MYO5B: variants seen among roughly 807,000 people sequenced by gnomAD.
MYO5B encodes the protein myosin VB, also known as unconventional myosin-Vb.
Under a neutral mutation model 229.3 loss-of-function variants are expected in MYO5B, and 143 were observed. The ratio of observed to expected loss-of-function variants is 0.62; its 90% CI spans 0.54 to 0.72. The LOEUF (loss-of-function observed/expected upper bound fraction) is 0.72, where lower values mean the gene tolerates loss of function less well. Ranked by LOEUF, MYO5B falls within the 30% of genes least tolerant of loss-of-function variation. MYO5B has a pLI of 0.00. For synonymous variants in MYO5B, 918 were observed against 885.2 expected (o/e 1.04, Z -0.66); for missense variants, 2,321 against 2,331.0 (o/e 1.00, Z 0.09).
At chr18:49,938,631 T>C (rs564860532) in intron 14 of MYO5B, among the ~76,000 whole-genome samples, 4 of 152,206 alleles carry the variant, frequency 2.6e-5, no homozygotes, top group African/African-American at 9.6e-5. Context: ...CCTGCCATTG[T>C]GTCTGAAATC....
At chr18:50,102,305 T>C (rs2031670894) in intron 1 of MYO5B, among the ~76,000 whole-genome samples, 1 of 151,888 alleles carries the variant, frequency 6.6e-6, no homozygotes, top group Non-Finnish European at 1.5e-5. Flanking sequence ...GCACACCACA[T>C]ACTTATGTAA....
At chr18:49,989,468 C>A (rs757068835) in intron 7 of MYO5B, among the ~76,000 whole-genome samples, 22 of 152,168 alleles carry the variant, frequency 1.4e-4, no homozygotes, top group Non-Finnish European at 3.1e-4. Flanking sequence ...ACACGGACAG[C>A]AGGACAGGGA....
intron 1 of MYO5B, among the ~76,000 whole-genome samples, chr18:50,096,416 G>T (rs2031552077): frequency 6.6e-6 from 1 of 152,010 alleles, no homozygotes; most frequent in Non-Finnish European, 1.5e-5. Flanking sequence ...GAAGGCCAAG[G>T]TTGTCTTGCC....
chr18:50,047,556 G>GA (rs1418785979), intron 2 of MYO5B, among the ~76,000 whole-genome samples: 5 of 152,178 alleles, frequency 3.3e-5, no homozygotes, highest in African/African-American at 9.7e-5. Flanking sequence ...TCTAGAACTA[G>GA]AAATACCACT....
intron 1 of MYO5B, among the ~76,000 whole-genome samples, chr18:50,182,224 G>C (rs1035761414): frequency 2.0e-5 from 3 of 152,186 alleles, no homozygotes; most frequent in Non-Finnish European, 2.9e-5. Context: ...AAAACAACTC[G>C]ATCTAGTTTT....
intron 1 of MYO5B, among the ~76,000 whole-genome samples, chr18:50,152,960 A>C (rs1243257365): frequency 6.6e-6 from 1 of 152,034 alleles, no homozygotes; most frequent in Non-Finnish European, 1.5e-5. Context: ...CCTTCAGGCA[A>C]GTAACAACTA....
At chr18:49,865,515 G>A (rs1256969059) in intron 27 of MYO5B, among the ~76,000 whole-genome samples, 2 of 152,164 alleles carry the variant, frequency 1.3e-5, no homozygotes, top group East Asian at 3.9e-4. Context: ...GTGATCTTCT[G>A]GCAGCCAAGG....
At chr18:50,168,027 G>A (rs1008918684) in intron 1 of MYO5B, among the ~76,000 whole-genome samples, 7 of 152,188 alleles carry the variant, frequency 4.6e-5, no homozygotes, top group African/African-American at 1.7e-4. Flanking sequence ...CAGGTTCTAT[G>A]ATATTTATAT....
chr18:49,904,951 G>A, intron 19 of MYO5B, 123 bp from the exon 20 acceptor site: 1 of 1,183,046 alleles, frequency 8.5e-7, no homozygotes, highest in Non-Finnish European at 1.2e-6. Flanking sequence ...ACACACCCAG[G>A]GGAAACCAAC....
At chr18:49,993,800 C>A (rs1214222121) in intron 5 of MYO5B, among the ~76,000 whole-genome samples, 2 of 152,110 alleles carry the variant, frequency 1.3e-5, no homozygotes, top group African/African-American at 2.4e-5. Flanking sequence ...CACTCAATTG[C>A]CAGGGTGATT....
At chr18:49,826,938 G>A (rs1309183993) in intron 39 of MYO5B, among the ~76,000 whole-genome samples, 3 of 149,646 alleles carry the variant, frequency 2.0e-5, no homozygotes, top group Admixed American at 1.4e-4. Flanking sequence ...TAGTGAAGTG[G>A]CCAAGGGCAT....
chr18:49,902,289 A>G (rs1453524452), intron 21 of MYO5B, among the ~76,000 whole-genome samples: 1 of 100,920 alleles, frequency 9.9e-6, no homozygotes, highest in Non-Finnish European at 2.0e-5. Context: ...TCTTAGGAGG[A>G]CCCCTGTTAT....
At chr18:49,875,901 C>T (rs2144100129) in intron 25 of MYO5B, 74 bp from the exon 26 acceptor site, 5 of 1,558,988 alleles carry the variant, frequency 3.2e-6, no homozygotes, top group South Asian at 2.2e-5. Flanking sequence ...CACTTCACTG[C>T]CTCCCTCTAT....
chr18:50,059,591 A>G (rs2030637526), intron 1 of MYO5B, among the ~76,000 whole-genome samples: 1 of 152,236 alleles, frequency 6.6e-6, no homozygotes, highest in Admixed American at 6.5e-5. Flanking sequence ...GTCAATCTCC[A>G]CAATAAAGAC....
Position 49,904,834 on chromosome 18 carries a change from G to A in MYO5B, c.2415-6C>T, listed in dbSNP as rs2298625. Reference sequence around the variant, plus strand: ...TCCGCAGGTGCTCAGCCAGCCTGGGGAGCAAGAGGAAACAGGCAGTGTCAG... The same window carrying A: ...TCCGCAGGTGCTCAGCCAGCCTGGGAAGCAAGAGGAAACAGGCAGTGTCAG... On this transcript the variant is annotated splice_region_variant and splice_polypyrimidine_tract_variant and intron_variant, in intron 19 of 39. Transcript: ENST00000285039. 4 of 1,613,428 alleles carry A rather than the reference G, an allele frequency of 2.5e-6. No individual in the cohort carries two copies. Among genetic ancestry groups the A allele is most frequent in the Non-Finnish European group, 3.4e-6 (4 of 1,180,002 alleles).
intron 39 of MYO5B, among the ~76,000 whole-genome samples, chr18:49,830,486 A>T (rs1308231769): frequency 6.6e-6 from 1 of 152,108 alleles, no homozygotes; most frequent in Non-Finnish European, 1.5e-5. Flanking sequence ...TTTTTGCAGA[A>T]ATCTAAAAAA....
chr18:50,031,140 G>T (rs769409630), intron 4 of MYO5B, among the ~76,000 whole-genome samples: 31 of 152,244 alleles, frequency 2.0e-4, no homozygotes, highest in South Asian at 6.2e-4. Context: ...CTTTGCTAAT[G>T]CAGGAAGCTC....
intron 21 of MYO5B, among the ~76,000 whole-genome samples, chr18:49,897,765 A>C (rs943470068): frequency 9.2e-5 from 14 of 152,236 alleles, no homozygotes; most frequent in African/African-American, 3.4e-4. Context: ...TAGTAAGCTT[A>C]GTGTAGCCTA....
At chr18:50,085,170 C>G (rs1386161342) in intron 1 of MYO5B, among the ~76,000 whole-genome samples, 1 of 152,120 alleles carries the variant, frequency 6.6e-6, no homozygotes, top group African/African-American at 2.4e-5. Context: ...ACTTATCTGA[C>G]AAAGGGCTAA....
Sources: gnomAD v4.1 joint callset for allele counts (sites outside exome capture counted in the v4.1 genomes callset) on GRCh38, gnomAD v4.1.1 for gene constraint, MANE v1.5 for transcripts, NCBI Gene and HGNC (gene_info 2026-07-23, HGNC 2026-07-21) for gene names.